TAFA2: variants seen among roughly 807,000 people sequenced by gnomAD.
The protein encoded by TAFA2 is TAFA chemokine like family member 2, also known as chemokine-like protein TAFA-2.
In TAFA2, 7 loss-of-function variants were observed where a neutral mutation model predicts 18.8. The ratio of observed to expected loss-of-function variants is 0.37; its 90% CI spans 0.21 to 0.70. The LOEUF is 0.70. TAFA2 is among the 30% of genes least tolerant of loss of function. The pLI, the probability that TAFA2 is intolerant of heterozygous loss-of-function variation, is 0.53. For missense variants in TAFA2, 122 were observed against 158.1 expected (o/e 0.77, Z 1.23); for synonymous variants, 60 against 54.2 (o/e 1.11, Z -0.47).
chr12:61,836,579 G>A (rs1014203234), intron 2 of TAFA2, among the ~76,000 whole-genome samples: 1 of 151,656 alleles, frequency 6.6e-6, no homozygotes, highest in East Asian at 1.9e-4. Context: ...CAATTACACT[G>A]AGTAACTTAT....
chr12:62,087,466 T>C (rs1868502996), intron 1 of TAFA2, among the ~76,000 whole-genome samples: 1 of 152,090 alleles, frequency 6.6e-6, no homozygotes, highest in Non-Finnish European at 1.5e-5. Flanking sequence ...TGAGGTCTGA[T>C]TGACAAGAAA....
intron 1 of TAFA2, among the ~76,000 whole-genome samples, chr12:61,925,195 A>G (rs35889770): frequency 1.3e-5 from 2 of 152,214 alleles, no homozygotes; most frequent in South Asian, 2.1e-4. Flanking sequence ...AAAATTAACA[A>G]GAATATTCAG....
At chr12:61,887,877 T>C (rs529832495) in intron 1 of TAFA2, among the ~76,000 whole-genome samples, 96 of 151,992 alleles carry the variant, frequency 6.3e-4, no homozygotes, top group African/African-American at 2.3e-3. Flanking sequence ...CTATTGTGAA[T>C]AATACTGCAA....
At chr12:61,829,636 C>A (rs1047218834) in intron 2 of TAFA2, among the ~76,000 whole-genome samples, 1 of 151,188 alleles carries the variant, frequency 6.6e-6, no homozygotes, top group Non-Finnish European at 1.5e-5. Context: ...TAATAAATAT[C>A]AAGAAAAAAC....
At chr12:62,093,712 A>G (rs1353347526) in intron 1 of TAFA2, among the ~76,000 whole-genome samples, 4 of 152,020 alleles carry the variant, frequency 2.6e-5, no homozygotes, top group Non-Finnish European at 2.9e-5. Context: ...AACAGCACCA[A>G]AGCCTACATT....
chr12:61,725,136 T>G (rs995994842), intron 4 of TAFA2, among the ~76,000 whole-genome samples: 1 of 152,176 alleles, frequency 6.6e-6, no homozygotes, highest in Non-Finnish European at 1.5e-5. Context: ...TTTGATGGGA[T>G]TATTTGTTTC....
intron 1 of TAFA2, among the ~76,000 whole-genome samples, chr12:61,996,634 A>C (rs1423881451): frequency 6.6e-6 from 1 of 152,096 alleles, no homozygotes; most frequent in African/African-American, 2.4e-5. Context: ...ACAGCTGCCC[A>C]CAGTTGTAAG....
chr12:62,055,604 A>G (rs771655035), intron 1 of TAFA2, among the ~76,000 whole-genome samples: 7 of 152,216 alleles, frequency 4.6e-5, no homozygotes, highest in Non-Finnish European at 1.0e-4. Context: ...CTATACCTAA[A>G]TAATTTCTAA....
chr12:62,224,082 TACACACACACACACAC>T (rs144010764), intron 1 of TAFA2, among the ~76,000 whole-genome samples: 2 of 142,466 alleles, frequency 1.4e-5, no homozygotes, highest in African/African-American at 2.6e-5. Flanking sequence ...TATATGTGCA[TACACACACACACACAC>T]ACACACACAC....
intron 4 of TAFA2, among the ~76,000 whole-genome samples, chr12:61,742,908 T>C (rs1357067330): frequency 6.6e-6 from 1 of 152,000 alleles, no homozygotes; most frequent in Non-Finnish European, 1.5e-5. Context: ...CATTAACTCA[T>C]ACCTCCTTCA....
chr12:62,021,447 C>T (rs891998998), intron 1 of TAFA2: 7 of 486,480 alleles, frequency 1.4e-5, no homozygotes, highest in African/African-American at 1.4e-4. Flanking sequence ...CCCTTTCCCC[C>T]AAGACCCCAA....
chr12:61,997,715 T>G (rs79977768), intron 1 of TAFA2, among the ~76,000 whole-genome samples: 1 of 151,374 alleles, frequency 6.6e-6, no homozygotes, highest in African/African-American at 2.4e-5. Context: ...CAGAGAAAGA[T>G]GAAGGGAAGA....
chr12:62,003,820 A>G (rs1049427953), intron 1 of TAFA2, among the ~76,000 whole-genome samples: 5 of 152,270 alleles, frequency 3.3e-5, no homozygotes, highest in African/African-American at 1.2e-4. Flanking sequence ...ATTTAAACAT[A>G]AATACATTTC....
At chr12:61,768,194 A>G (rs924188239) in intron 2 of TAFA2, among the ~76,000 whole-genome samples, 2 of 152,158 alleles carry the variant, frequency 1.3e-5, no homozygotes, top group Admixed American at 6.6e-5. Context: ...CAGGCACACA[A>G]AAACTAAAAT....
At chr12:61,849,779 C>A (rs985120491) in intron 2 of TAFA2, among the ~76,000 whole-genome samples, 1 of 152,072 alleles carries the variant, frequency 6.6e-6, no homozygotes, top group Non-Finnish European at 1.5e-5. Flanking sequence ...CTTTTTTACA[C>A]GATGCTTGTG....
chr12:61,786,931 A>G (rs997846685), intron 2 of TAFA2, among the ~76,000 whole-genome samples: 9 of 151,512 alleles, frequency 5.9e-5, no homozygotes, highest in Admixed American at 6.6e-5. Context: ...ATCCAAAAGA[A>G]CTCAGAAAAA....
At chr12:62,038,001 TAAG>T (rs1881655163) in intron 1 of TAFA2, among the ~76,000 whole-genome samples, 1 of 152,162 alleles carries the variant, frequency 6.6e-6, no homozygotes, top group Admixed American at 6.6e-5. Flanking sequence ...CATTTGTATG[TAAG>T]AAGACTTCTG....
chr12:61,780,372 G>A (rs185600920), intron 2 of TAFA2, among the ~76,000 whole-genome samples: 35 of 151,908 alleles, frequency 2.3e-4, no homozygotes, highest in African/African-American at 8.0e-4. Flanking sequence ...GAAGGCAGGT[G>A]ACCAAGAAGA....
chr12:61,902,693 C>A (rs141668990), intron 1 of TAFA2, among the ~76,000 whole-genome samples: 1 of 152,182 alleles, frequency 6.6e-6, no homozygotes, highest in Non-Finnish European at 1.5e-5. Flanking sequence ...AACCTCTTCA[C>A]TGTTCATTCA....
Sources: gnomAD v4.1 joint callset for allele counts (sites outside exome capture counted in the v4.1 genomes callset) on GRCh38, gnomAD v4.1.1 for gene constraint, MANE v1.5 for transcripts, NCBI Gene and HGNC (gene_info 2026-07-23, HGNC 2026-07-21) for gene names.